TXNRD3: variants seen among roughly 807,000 people sequenced by gnomAD.
TXNRD3 encodes the protein thioredoxin reductase 3.
A neutral mutation model predicts 78.2 loss-of-function variants in TXNRD3; 68 were observed. The ratio of observed to expected loss-of-function variants is 0.87; its 90% CI spans 0.72 to 1.06. The LOEUF (loss-of-function observed/expected upper bound fraction) is 1.06, where lower values mean the gene tolerates loss of function less well. TXNRD3 is among the 50% of genes least tolerant of loss of function. TXNRD3 has a pLI of 0.00. For synonymous variants in TXNRD3, 296 were observed against 300.1 expected (o/e 0.99, Z 0.14); for missense variants, 751 against 809.5 (o/e 0.93, Z 0.88).
At chr3:126,625,471 C>T (rs1938558310) in intron 10 of TXNRD3, among the ~76,000 whole-genome samples, 2 of 151,848 alleles carry the variant, frequency 1.3e-5, no homozygotes, top group African/African-American at 4.8e-5. Context: ...CATGTCCCTA[C>T]AAAGGACATG....
intron 12 of TXNRD3, among the ~76,000 whole-genome samples, chr3:126,621,144 C>T (rs1256290119): frequency 6.6e-6 from 1 of 152,210 alleles, no homozygotes. Flanking sequence ...TCCTATAAAG[C>T]TCATCCCAAA....
intron 5 of TXNRD3, among the ~76,000 whole-genome samples, chr3:126,642,360 T>C (rs755652779): frequency 1.3e-5 from 2 of 152,232 alleles, no homozygotes; most frequent in Admixed American, 6.5e-5. Flanking sequence ...CAGATGTGCA[T>C]GTGAGAAGTT....
chr3:126,646,260 A>C, intron 2 of TXNRD3, 40 bp from the exon 3 acceptor site: 1 of 1,425,744 alleles, frequency 7.0e-7, no homozygotes, highest in Non-Finnish European at 9.2e-7. Context: ...CACTGAAAAG[A>C]GTTTCAAATC....
intron 10 of TXNRD3, among the ~76,000 whole-genome samples, chr3:126,627,887 C>A (rs1460129203): frequency 6.6e-6 from 1 of 152,034 alleles, no homozygotes; most frequent in Non-Finnish European, 1.5e-5. Context: ...TACCTTGATA[C>A]TCAAACCTAA....
intron 6 of TXNRD3, among the ~76,000 whole-genome samples, chr3:126,636,390 A>G (rs1212642628): frequency 6.6e-6 from 1 of 152,232 alleles, no homozygotes; most frequent in Non-Finnish European, 1.5e-5. Flanking sequence ...AACAGTGCAG[A>G]TATCAGTAGT....
intron 6 of TXNRD3, among the ~76,000 whole-genome samples, chr3:126,635,954 C>T (rs138042792): frequency 4.4e-4 from 67 of 152,152 alleles, no homozygotes; most frequent in African/African-American, 1.6e-3. Context: ...TTTTAAGAGA[C>T]AGAGTCTCAT....
intron 1 of TXNRD3, among the ~76,000 whole-genome samples, chr3:126,648,029 A>G (rs191905576): frequency 1.3e-5 from 2 of 152,370 alleles, no homozygotes; most frequent in Admixed American, 1.3e-4. Flanking sequence ...GCAAAGTTGC[A>G]TTGTACAAAA....
At chr3:126,619,800 C>T (rs956587225) in intron 12 of TXNRD3, among the ~76,000 whole-genome samples, 11 of 152,112 alleles carry the variant, frequency 7.2e-5, no homozygotes, top group Non-Finnish European at 1.3e-4. Flanking sequence ...ACATTGTATA[C>T]GTGTATCAAA....
At chr3:126,627,908 T>C (rs1464246424) in intron 10 of TXNRD3, among the ~76,000 whole-genome samples, 3 of 152,166 alleles carry the variant, frequency 2.0e-5, no homozygotes, top group Non-Finnish European at 4.4e-5. Context: ...AATTAAAATG[T>C]TCAATATGTA....
chr3:126,610,958 AATT>A, intron 14 of TXNRD3, 76 bp downstream of exon 14: 1 of 987,894 alleles, frequency 1.0e-6, no homozygotes. Flanking sequence ...TAAAAAAAAA[AATT>A]ATAGAAATCC....
chr3:126,614,867 A>G (rs1157506604), intron 13 of TXNRD3, among the ~76,000 whole-genome samples: 1 of 152,136 alleles, frequency 6.6e-6, no homozygotes, highest in Non-Finnish European at 1.5e-5. Context: ...AAGCCAATCA[A>G]ACTTCCCAGC....
In TXNRD3 at chr3:126,623,851, C is replaced by CAAAAAAAAAAAAAAAAAA. The variant is rs758992893; in HGVS notation, c.1291-1312_1291-1311insTTTTTTTTTTTTTTTTTT. On this transcript the variant is annotated intron_variant, in intron 10 of 15. Transcript: ENST00000524230. ...GGAGGTATTAGCCAGTGAAACAAGG[C>CAAAAAAAAAAAAAAAAAA]CAAAAAAAAAAAAAAAAAAGATTAA... Among the ~76,000 whole-genome samples, 10 of 89,752 alleles carry CAAAAAAAAAAAAAAAAAA rather than the reference C, an allele frequency of 1.1e-4. 1 individual carries two copies. The highest frequency in any genetic ancestry group is 1.5e-4 in the African/African-American group (4 of 25,978). The allele number at this position is 89,752 out of a possible 152,430, so 58.9% of individuals were successfully genotyped here.
chr3:126,634,722 C>A (rs1437288525), intron 6 of TXNRD3, among the ~76,000 whole-genome samples: 1 of 152,108 alleles, frequency 6.6e-6, no homozygotes, highest in Non-Finnish European at 1.5e-5. Context: ...TCACCCTGTG[C>A]AGCTCTATGT....
intron 12 of TXNRD3, among the ~76,000 whole-genome samples, chr3:126,616,859 T>C (rs576730709): frequency 3.9e-5 from 6 of 152,312 alleles, no homozygotes; most frequent in African/African-American, 1.4e-4. Context: ...TCTTACACTC[T>C]CATGCCACTT....
Position 126,654,980 on chromosome 3 carries a change from G to T in TXNRD3, c.11C>A (p.Ser4Ter). The T allele has an allele frequency of 3.1e-6, 4 of 1,300,542 alleles. No individual in the cohort carries two copies. In the South Asian group the frequency reaches 9.4e-5, roughly 31 times the overall value. 80.6% of individuals were successfully genotyped at this position (1,300,542 alleles called of 1,614,324 possible). Residue 4 changes from serine (S) to a stop codon, truncating the protein, a stop_gained, in exon 1 of 16, where the codon TCG becomes TAG. Coordinates refer to ENST00000524230, the MANE Select transcript of TXNRD3 (RefSeq NM_052883.3). LOFTEE classifies it high-confidence loss of function. Reference sequence around the variant, plus strand: ...TCCCGGCCCGGGCGACTGCGGCGGCGACCGCTCCAGAGTCTCGCTCTCGCT... The same window carrying T: ...TCCCGGCCCGGGCGACTGCGGCGGCTACCGCTCCAGAGTCTCGCTCTCGCT...
chr3:126,654,997 G>A lies in TXNRD3; in HGVS notation c.-7C>T. On this transcript the variant is annotated 5_prime_UTR_variant, in exon 1 of 16. Coordinates refer to ENST00000524230, the MANE Select transcript of TXNRD3 (RefSeq NM_052883.3). The stretch of plus-strand genomic sequence containing the variant: ...GCGGCGGCGACCGCTCCAGAGTCTC[G>A]CTCTCGCTCCTGGCCCGGCCGGGCC... 1 of 1,301,766 alleles carries A rather than the reference G, an allele frequency of 7.7e-7. No homozygotes were observed. Among genetic ancestry groups the A allele is most frequent in the Non-Finnish European group, 9.7e-7 (1 of 1,029,076 alleles). The allele number at this position is 1,301,766 out of a possible 1,614,324, so 80.6% of individuals were successfully genotyped here.
chr3:126,611,152 A>C lies in TXNRD3; in HGVS notation c.1633-20T>G, dbSNP rs1247904826. On this transcript the variant is annotated intron_variant, in intron 13 of 15. Transcript: ENST00000524230. ...ATATATCTGGAAGATAAAAGAGAGA[A>C]AAAGGGCAGAATTAATGTATATGGA... 6.9e-7 allele frequency: 1 copy of C among 1,442,864 alleles called. No individual in the cohort carries two copies. 89.4% of individuals were successfully genotyped at this position (1,442,864 alleles called of 1,614,324 possible).
rs145889425 is a variant in TXNRD3 at position 126,628,640 on chromosome 3, T to C, written c.1290+739A>G. Among the ~76,000 whole-genome samples the C allele has an allele frequency of 8.5e-4, 129 of 152,150 alleles. 1 individual carries two copies. The highest frequency in any genetic ancestry group is 2.9e-3 in the African/African-American group (122 of 41,542). On this transcript the variant is annotated intron_variant, in intron 10 of 15. Transcript: ENST00000524230. ...GATATTCTTGATCTCTAAGGAGAAA[T>C]GTATTAACTTTGCTGGGAATCATTA...
intron 6 of TXNRD3, among the ~76,000 whole-genome samples, chr3:126,634,627 T>C (rs1054463945): frequency 1.3e-5 from 2 of 152,142 alleles, no homozygotes; most frequent in African/African-American, 4.8e-5. Flanking sequence ...GATTCGGGTG[T>C]TGGAATTCCA....
Sources: gnomAD v4.1 joint callset for allele counts (sites outside exome capture counted in the v4.1 genomes callset) on GRCh38, gnomAD v4.1.1 for gene constraint, MANE v1.5 for transcripts, NCBI Gene and HGNC (gene_info 2026-07-23, HGNC 2026-07-21) for gene names.